The following TENM1 variants were observed in gnomAD, a reference collection of about 807,000 sequenced individuals.
TENM1 encodes teneurin transmembrane protein 1.
TENM1 carries 35 observed loss-of-function variants against 174.8 expected under a neutral mutation model. The observed-to-expected ratio is 0.20, with a 90% CI of 0.15 to 0.27. The LOEUF is 0.27. Ranked by LOEUF, TENM1 falls within the 10% of genes least tolerant of loss-of-function variation. The pLI is 1.00. For missense variants in TENM1, 1,633 were observed against 2,130.1 expected, an observed-to-expected ratio of 0.77 and a Z score of 4.59; for synonymous variants, 781 against 798.7, an observed-to-expected ratio of 0.98 and a Z score of 0.37.
intron 3 of TENM1, among the ~76,000 whole-genome samples, chrX:124,754,010 G>T (rs1461273120): frequency 8.9e-6 from 1 of 111,848 alleles, no homozygotes; most frequent in Non-Finnish European, 1.9e-5. Context: ...TCATAAATGA[G>T]TTAGGGAGGA....
chrX:124,782,767 G>T (rs1218342286), intron 3 of TENM1, among the ~76,000 whole-genome samples: 1 of 110,323 alleles, frequency 9.1e-6, no homozygotes, highest in Non-Finnish European at 1.9e-5. Context: ...GACCGATATT[G>T]CATCCTATTC....
the TENM1 span, among the ~76,000 whole-genome samples, chrX:125,167,553 T>A: frequency 9.0e-6 from 1 of 111,298 alleles, no homozygotes; most frequent in Non-Finnish European, 1.9e-5. Flanking sequence ...TTCCTCCACC[T>A]CACTTCCTTC....
chrX:125,081,099 T>C, the TENM1 span, among the ~76,000 whole-genome samples: 1 of 111,329 alleles, frequency 9.0e-6, no homozygotes, highest in Admixed American at 9.6e-5. Context: ...ACAGCAGCTT[T>C]ATCTATGTGG....
At chrX:125,184,303 C>A in the TENM1 span, among the ~76,000 whole-genome samples, 13 of 111,897 alleles carry the variant, frequency 1.2e-4, no homozygotes, top group African/African-American at 3.6e-4. Context: ...TAGTATTGCA[C>A]AACTGGCAGA....
At chrX:125,152,594 T>C in the TENM1 span, among the ~76,000 whole-genome samples, 4,530 of 111,796 alleles carry the variant, frequency 0.041, 222 homozygotes, top group African/African-American at 0.14. Flanking sequence ...GAACCAGATT[T>C]TCCTAAATAG....
chrX:125,131,584 C>T, the TENM1 span, among the ~76,000 whole-genome samples: 6 of 111,725 alleles, frequency 5.4e-5, no homozygotes, highest in East Asian at 1.4e-3. Context: ...TGGCTGATTG[C>T]CTTGAAGAAT....
intron 3 of TENM1, among the ~76,000 whole-genome samples, chrX:124,787,198 T>G: frequency 8.9e-6 from 1 of 111,954 alleles, no homozygotes; most frequent in Non-Finnish European, 1.9e-5. Flanking sequence ...GGAACTGATT[T>G]GAGGTCATCA....
intron 11 of TENM1, among the ~76,000 whole-genome samples, chrX:124,609,890 T>A (rs778946824): frequency 5.4e-5 from 6 of 111,437 alleles, no homozygotes; most frequent in Non-Finnish European, 1.1e-4. Context: ...CCATAGGAGG[T>A]GGATACTAAA....
At chrX:124,453,535 C>T in intron 22 of TENM1, 44 bp from the exon 26 acceptor site, 1 of 1,117,212 alleles carries the variant, frequency 9.0e-7, no homozygotes, top group Non-Finnish European at 1.2e-6. Flanking sequence ...TAGTGAACCA[C>T]ATTTGCACTA....
chrX:124,679,743 C>T (rs1444702714), intron 5 of TENM1, among the ~76,000 whole-genome samples: 1 of 111,623 alleles, frequency 9.0e-6, no homozygotes, highest in Non-Finnish European at 1.9e-5. Context: ...TTCAGAGAAG[C>T]ATTTTTCAAG....
intron 3 of TENM1, among the ~76,000 whole-genome samples, chrX:124,794,805 G>A (rs1181364397): frequency 2.7e-5 from 3 of 111,419 alleles, no homozygotes; most frequent in Non-Finnish European, 5.7e-5. Flanking sequence ...CCTCTGTTGA[G>A]CTATTCTCCC....
exon 32 of TENM1, chrX:124,377,539 T>G (rs2060116279): frequency 8.9e-6 from 1 of 112,078 alleles, no homozygotes; most frequent in African/African-American, 3.2e-5. Context: ...TATTTAAATG[T>G]GTTAAACTTT....
At position 124,477,972 on chromosome X, in the gene TENM1, T is replaced by C. The variant is rs917391221; in HGVS notation, c.3949+3760A>G. Among the ~76,000 whole-genome samples, 7 of 112,518 alleles carry C rather than the reference T, an allele frequency of 6.2e-5. No homozygotes were observed. In the Admixed American group the frequency reaches 6.6e-4, roughly 11 times the overall value. The stretch of plus-strand genomic sequence containing the variant: ...TTCCTCTTCTGTACAATGTGACTAA[T>C]ACTATTTACATCATGCATTGTTGTG... On this transcript the variant is annotated intron_variant, in intron 22 of 31. Coordinates refer to ENST00000422452, the Ensembl canonical transcript of TENM1.
chrX:124,721,013 G>A (rs2053297178), intron 4 of TENM1, among the ~76,000 whole-genome samples: 2 of 112,269 alleles, frequency 1.8e-5, no homozygotes, highest in Admixed American at 1.9e-4. Context: ...GAGACAAGAA[G>A]CAAGTCACAG....
At chrX:124,852,845 A>AC (rs955960178) in intron 3 of TENM1, among the ~76,000 whole-genome samples, 7 of 111,633 alleles carry the variant, frequency 6.3e-5, no homozygotes, top group African/African-American at 2.0e-4. Context: ...AGGAGTCTAA[A>AC]AAGACTGGAT....
intron 1 of TENM1, among the ~76,000 whole-genome samples, chrX:124,907,956 C>G (rs1367002501): frequency 9.0e-6 from 1 of 111,534 alleles, no homozygotes; most frequent in Non-Finnish European, 1.9e-5. Flanking sequence ...AGTTGGAAAA[C>G]TAACTTATCT....
intron 1 of TENM1, among the ~76,000 whole-genome samples, chrX:124,903,814 A>G (rs1291910361): frequency 2.7e-5 from 3 of 111,979 alleles, no homozygotes; most frequent in South Asian, 3.7e-4. Context: ...CTTTATTTCA[A>G]CATTTTGAAT....
the TENM1 span, among the ~76,000 whole-genome samples, chrX:125,054,598 TCAC>T: frequency 9.0e-6 from 1 of 111,379 alleles, no homozygotes; most frequent in Non-Finnish European, 1.9e-5. Context: ...ACTGAATATT[TCAC>T]CATTAAGTAG....
intron 3 of TENM1, among the ~76,000 whole-genome samples, chrX:124,772,267 C>T (rs745453452): frequency 9.0e-6 from 1 of 111,328 alleles, no homozygotes; most frequent in Admixed American, 9.5e-5. Flanking sequence ...TCCTGAGTAG[C>T]TGGGACTACA....
Sources: allele counts gnomAD v4.1 joint callset (sites outside exome capture counted in the v4.1 genomes callset), GRCh38; gene constraint gnomAD v4.1.1; transcripts MANE v1.5; gene names NCBI Gene and HGNC (gene_info 2026-07-23, HGNC 2026-07-21).